Variants in MYO5B observed in about 807,000 individuals in gnomAD.
MYO5B encodes the protein unconventional myosin-Vb.
A neutral mutation model predicts 229.3 loss-of-function variants in MYO5B; 143 were observed. That is an observed-to-expected ratio of 0.62 (90% CI 0.54 to 0.72). MYO5B has a LOEUF of 0.72. Ranked by LOEUF, MYO5B falls within the 30% of genes least tolerant of loss-of-function variation. The pLI, the probability that MYO5B is intolerant of heterozygous loss-of-function variation, is 0.00. For missense variants in MYO5B, 2,321 were observed against 2,331.0 expected, an observed-to-expected ratio of 1.00 and a Z score of 0.09; for synonymous variants, 918 against 885.2, an observed-to-expected ratio of 1.04 and a Z score of -0.66.
At chr18:49,982,509 C>T (rs1281855453) in intron 8 of MYO5B, among the ~76,000 whole-genome samples, 1 of 152,190 alleles carries the variant, frequency 6.6e-6, no homozygotes, top group African/African-American at 2.4e-5. Flanking sequence ...AACATCCTTT[C>T]CTGCTGTGGG....
intron 2 of MYO5B, among the ~76,000 whole-genome samples, chr18:50,049,419 A>G (rs1360337777): frequency 6.6e-6 from 1 of 152,248 alleles, no homozygotes; most frequent in Non-Finnish European, 1.5e-5. Flanking sequence ...ACAGCAGCAT[A>G]AAAATATGGA....
At chr18:49,933,250 T>C (rs1031071358) in intron 16 of MYO5B, among the ~76,000 whole-genome samples, 1 of 152,162 alleles carries the variant, frequency 6.6e-6, no homozygotes, top group Admixed American at 6.5e-5. Context: ...CCACAAAGCG[T>C]TCCCAGGTTA....
At chr18:49,839,346 C>A (rs2024029276) in intron 35 of MYO5B, 52 bp from the exon 36 acceptor site, 1 of 1,600,378 alleles carries the variant, frequency 6.2e-7, no homozygotes. Flanking sequence ...CTGGGCCCAG[C>A]ACAACTTCCA....
intron 1 of MYO5B, among the ~76,000 whole-genome samples, chr18:50,107,497 G>C (rs1198401387): frequency 6.6e-6 from 1 of 152,138 alleles, no homozygotes; most frequent in Admixed American, 6.5e-5. Flanking sequence ...TTGTGTTTCA[G>C]AGTTTTGCAA....
intron 14 of MYO5B, among the ~76,000 whole-genome samples, chr18:49,945,081 C>A (rs1046975125): frequency 1.3e-5 from 2 of 152,204 alleles, no homozygotes; most frequent in Non-Finnish European, 2.9e-5. Context: ...CTAATCTTCT[C>A]CCTGCCCGGC....
chr18:50,143,195 G>A (rs1195693418), intron 1 of MYO5B, among the ~76,000 whole-genome samples: 1 of 152,234 alleles, frequency 6.6e-6, no homozygotes, highest in Admixed American at 6.5e-5. Context: ...AAACTAGTGA[G>A]TACTCATAGG....
intron 1 of MYO5B, among the ~76,000 whole-genome samples, chr18:50,080,275 C>G (rs1045502421): frequency 1.3e-5 from 2 of 152,084 alleles, no homozygotes; most frequent in East Asian, 3.9e-4. Context: ...GTTAACGACA[C>G]AGTTTCTTAA....
chr18:49,831,468 T>C (rs1261586640), intron 39 of MYO5B, among the ~76,000 whole-genome samples: 2 of 152,192 alleles, frequency 1.3e-5, no homozygotes, highest in African/African-American at 4.8e-5. Flanking sequence ...CTGGAATAGA[T>C]ATTTCTCCAG....
intron 17 of MYO5B, among the ~76,000 whole-genome samples, chr18:49,918,927 A>G (rs2025046384): frequency 6.6e-6 from 1 of 152,238 alleles, no homozygotes. Context: ...GAAGAGAGGG[A>G]CACCTTCTCA....
intron 1 of MYO5B, among the ~76,000 whole-genome samples, chr18:50,102,489 A>C (rs564814636): frequency 4.6e-5 from 7 of 152,310 alleles, no homozygotes; most frequent in African/African-American, 1.7e-4. Context: ...CCAGCAACAC[A>C]CAGATCCAAT....
intron 1 of MYO5B, among the ~76,000 whole-genome samples, chr18:50,094,468 T>C (rs1303187557): frequency 6.6e-6 from 1 of 152,198 alleles, no homozygotes; most frequent in Non-Finnish European, 1.5e-5. Context: ...GAGTTTTTTT[T>C]TGTAGTTGGA....
intron 1 of MYO5B, among the ~76,000 whole-genome samples, chr18:50,080,203 T>C (rs16951464): frequency 0.038 from 5,765 of 152,106 alleles, 360 homozygotes; most frequent in African/African-American, 0.13. Context: ...TGAGTAAATA[T>C]CTCAGCAAGC....
chr18:49,919,729 G>A (rs1462125629), intron 17 of MYO5B, among the ~76,000 whole-genome samples: 2 of 152,172 alleles, frequency 1.3e-5, no homozygotes, highest in Non-Finnish European at 2.9e-5. Context: ...TGGTAAGAAT[G>A]CAAAATGGTA....
chr18:49,898,543 A>AT, intron 21 of MYO5B, among the ~76,000 whole-genome samples: 1 of 152,172 alleles, frequency 6.6e-6, no homozygotes, highest in Non-Finnish European at 1.5e-5. Context: ...TATCCCAGGG[A>AT]CACTGCAAGA....
chr18:50,012,035 G>T (rs2026166626), intron 4 of MYO5B, among the ~76,000 whole-genome samples: 1 of 152,128 alleles, frequency 6.6e-6, no homozygotes, highest in Admixed American at 6.5e-5. Flanking sequence ...ACCACAGAGT[G>T]GTTTCAACCC....
In MYO5B at chr18:50,195,007, G is replaced by T. The variant is rs1310554339; in HGVS notation, c.-214C>A. ...ACTCCCGCCGCGGCGGCGCAGCTAC[G>T]GCCGGACAGGAGTTGCGAGCGCCGG... On this transcript the variant is annotated 5_prime_UTR_variant, in exon 1 of 40. Coordinates refer to ENST00000285039, the MANE Select transcript of MYO5B (RefSeq NM_001080467.3). 3 of 566,032 alleles carry T rather than the reference G, an allele frequency of 5.3e-6. No individual in the cohort carries two copies. Among genetic ancestry groups the T allele is most frequent in the South Asian group, 9.0e-5 (1 of 11,156 alleles). The allele number at this position is 566,032 out of a possible 1,614,324, so 35.1% of individuals were successfully genotyped here.
At chr18:50,031,848 A>G (rs951615399) in intron 4 of MYO5B, among the ~76,000 whole-genome samples, 1 of 152,224 alleles carries the variant, frequency 6.6e-6, no homozygotes, top group African/African-American at 2.4e-5. Flanking sequence ...TAATCTTTGA[A>G]AACAGTTTTG....
intron 29 of MYO5B, among the ~76,000 whole-genome samples, chr18:49,861,728 G>C (rs1395534229): frequency 6.6e-6 from 1 of 152,120 alleles, no homozygotes; most frequent in East Asian, 1.9e-4. Context: ...GCCACCCGTG[G>C]GCCTAAGCTG....
At chr18:50,109,894 T>C (rs191995922) in intron 1 of MYO5B, among the ~76,000 whole-genome samples, 3 of 152,294 alleles carry the variant, frequency 2.0e-5, no homozygotes, top group African/African-American at 7.2e-5. Flanking sequence ...GAACAAATCA[T>C]GTCACTGCCC....
Sources: allele counts gnomAD v4.1 joint callset (sites outside exome capture counted in the v4.1 genomes callset), GRCh38; gene constraint gnomAD v4.1.1; transcripts MANE v1.5; gene names NCBI Gene and HGNC (gene_info 2026-07-23, HGNC 2026-07-21).